ANKRD44: variants seen among roughly 807,000 people sequenced by gnomAD.
ANKRD44 encodes the protein ankyrin repeat domain 44.
ANKRD44 carries 35 observed loss-of-function variants against 116.0 expected under a neutral mutation model. The observed-to-expected ratio is 0.30, with a 90% CI of 0.23 to 0.40. The LOEUF (loss-of-function observed/expected upper bound fraction) is 0.40. ANKRD44 is among the 10% of genes least tolerant of loss of function. ANKRD44 has a pLI of 1.00. For synonymous variants in ANKRD44, 435 were observed against 461.8 expected (o/e 0.94, Z 0.74); for missense variants, 1,014 against 1,242.6 (o/e 0.82, Z 2.77).
downstream of ANKRD44, among the ~76,000 whole-genome samples, chr2:196,981,678 G>C (rs368794789): frequency 1.3e-5 from 2 of 152,210 alleles, no homozygotes; most frequent in East Asian, 3.9e-4. Context: ...TACTTGAGAG[G>C]CTGAGGCAGG....
At chr2:197,044,061 TTTC>T (rs1246051990) in intron 16 of ANKRD44, among the ~76,000 whole-genome samples, 2 of 152,200 alleles carry the variant, frequency 1.3e-5, no homozygotes, top group African/African-American at 4.8e-5. Context: ...TGTAGGATAT[TTTC>T]TTTTTTGTTT....
intron 21 of ANKRD44, among the ~76,000 whole-genome samples, chr2:196,979,923 T>A (rs1202119909): frequency 6.6e-6 from 1 of 152,160 alleles, no homozygotes; most frequent in Non-Finnish European, 1.5e-5. Context: ...AACCAGCATC[T>A]TAGCAACACT....
intron 3 of ANKRD44, among the ~76,000 whole-genome samples, chr2:197,137,894 G>A (rs1303947829): frequency 2.0e-5 from 3 of 152,152 alleles, no homozygotes; most frequent in Admixed American, 6.5e-5. Flanking sequence ...CGTCAGTAAG[G>A]ACCACAGTAA....
At chr2:197,009,072 A>G (rs773655179) in intron 18 of ANKRD44, 41 bp from the exon 19 acceptor site, 7 of 1,500,754 alleles carry the variant, frequency 4.7e-6, no homozygotes, top group South Asian at 1.1e-5. Context: ...ACAGAACAAC[A>G]CTACACATAT....
intron 3 of ANKRD44, among the ~76,000 whole-genome samples, chr2:197,146,669 T>C (rs1209562469): frequency 6.6e-6 from 1 of 152,178 alleles, no homozygotes; most frequent in Non-Finnish European, 1.5e-5. Flanking sequence ...ATATACTCAC[T>C]ATACATAGTG....
At chr2:197,069,889 TC>T (rs1179511220) in intron 16 of ANKRD44, among the ~76,000 whole-genome samples, 6 of 148,326 alleles carry the variant, frequency 4.0e-5, no homozygotes, top group African/African-American at 1.5e-4. Flanking sequence ...AGAATGTCTC[TC>T]CTTTTTTTTT....
chr2:196,995,705 A>G (rs532523581), intron 25 of ANKRD44, among the ~76,000 whole-genome samples: 4 of 152,214 alleles, frequency 2.6e-5, no homozygotes, highest in African/African-American at 9.6e-5. Flanking sequence ...AATACTGCTA[A>G]GATAAATTTT....
At chr2:197,218,950 G>A (rs188814380) in intron 1 of ANKRD44, among the ~76,000 whole-genome samples, 60 of 151,668 alleles carry the variant, frequency 4.0e-4, no homozygotes, top group Admixed American at 3.6e-3. Flanking sequence ...AGTAGAGACA[G>A]GGTTTCTCCA....
rs780255558 is a variant in ANKRD44 at position 197,083,395 on chromosome 2, G to A, written c.1431C>T (p.Tyr477=). The A allele has an allele frequency of 5.6e-6, 9 of 1,613,308 alleles. No individual in the cohort carries two copies. The highest frequency in any genetic ancestry group is 1.7e-5 in the Admixed American group (1 of 59,960). Residue 477 remains tyrosine, a synonymous_variant, in exon 14 of 28, where the codon TAC becomes TAT. Transcript: ENST00000282272. ...TTCTATCCATGTCTGATGCAGCGGC[G>A]TAATGCAAAGCTGTGCGTCCCCAGT... ...TDDWGRTALH[Y]AAASDMDRNK... is the part of the protein sequence containing the mutation.
chr2:196,998,881 G>A (rs1437792936), intron 24 of ANKRD44, 26 bp downstream of exon 24: 1 of 1,610,232 alleles, frequency 6.2e-7, no homozygotes. Context: ...GGGCATAAGG[G>A]CAAAGTCCAT....
intron 3 of ANKRD44, among the ~76,000 whole-genome samples, chr2:197,139,575 G>A (rs373044773): frequency 2.0e-5 from 3 of 151,868 alleles, no homozygotes; most frequent in Admixed American, 1.3e-4. Flanking sequence ...TGAAGTAAGA[G>A]TACCCATACA....
chr2:197,171,814 T>C (rs75784494), intron 2 of ANKRD44, among the ~76,000 whole-genome samples: 1 of 152,138 alleles, frequency 6.6e-6, no homozygotes, highest in South Asian at 2.1e-4. Flanking sequence ...ATAGGGGAAG[T>C]CTCTTAACTC....
intron 16 of ANKRD44, among the ~76,000 whole-genome samples, chr2:197,045,358 A>T (rs1003418704): frequency 2.6e-5 from 4 of 152,202 alleles, no homozygotes; most frequent in Non-Finnish European, 4.4e-5. Flanking sequence ...TATTTTTAAC[A>T]GGACCAACCA....
chr2:197,155,411 T>C (rs2079784720), intron 2 of ANKRD44, among the ~76,000 whole-genome samples: 1 of 152,210 alleles, frequency 6.6e-6, no homozygotes, highest in African/African-American at 2.4e-5. Context: ...CCATTATAAT[T>C]AGCATGCTTG....
At chr2:197,310,345 C>G (rs1404921794) in intron 1 of ANKRD44, among the ~76,000 whole-genome samples, 2 of 147,510 alleles carry the variant, frequency 1.4e-5, no homozygotes, top group African/African-American at 4.9e-5. Context: ...CCAGCGCCCA[C>G]GGGCCCTGCC....
chr2:197,251,950 A>G (rs923636959), intron 1 of ANKRD44, among the ~76,000 whole-genome samples: 4 of 152,212 alleles, frequency 2.6e-5, no homozygotes, highest in African/African-American at 7.2e-5. Flanking sequence ...TCTAAGAGTA[A>G]TATTAACGTT....
At chr2:196,970,718 T>C (rs565761351) in intron 21 of ANKRD44, among the ~76,000 whole-genome samples, 2 of 152,352 alleles carry the variant, frequency 1.3e-5, no homozygotes, top group African/African-American at 2.4e-5. Context: ...ATATTTCTTT[T>C]TGAGACATGG....
intron 1 of ANKRD44, among the ~76,000 whole-genome samples, chr2:197,268,887 T>C (rs2082812692): frequency 6.6e-6 from 1 of 152,218 alleles, no homozygotes; most frequent in African/African-American, 2.4e-5. Context: ...TTTTAAATTG[T>C]AATGATCTAA....
At chr2:197,267,853 C>T (rs765049680) in intron 1 of ANKRD44, among the ~76,000 whole-genome samples, 1 of 152,150 alleles carries the variant, frequency 6.6e-6, no homozygotes, top group Non-Finnish European at 1.5e-5. Flanking sequence ...AAGGCAGGAA[C>T]TGAGAAAGTC....
Sources: gnomAD v4.1 joint callset for allele counts (sites outside exome capture counted in the v4.1 genomes callset) on GRCh38, gnomAD v4.1.1 for gene constraint, MANE v1.5 for transcripts, NCBI Gene and HGNC (gene_info 2026-07-23, HGNC 2026-07-21) for gene names.